Variants in METRN observed in about 807,000 individuals in gnomAD.
The protein encoded by METRN is meteorin, glial cell differentiation regulator, also known as meteorin.
Under a neutral mutation model 17.4 loss-of-function variants are expected in METRN, and 17 were observed. The observed-to-expected ratio is 0.98, with a 90% confidence interval of 0.67 to 1.46. The LOEUF (loss-of-function observed/expected upper bound fraction) is 1.46, where lower values mean the gene tolerates loss of function less well. METRN is among the 40% of genes most tolerant of loss of function. The probability of loss-of-function intolerance (pLI) is 0.00; values close to 1 mark genes in which losing one functional copy is unlikely to be tolerated. For missense variants in METRN, 489 were observed against 456.2 expected (o/e 1.07, Z -0.65); for synonymous variants, 230 against 210.8 (o/e 1.09, Z -0.79).
chr16:717,082 A>G lies in METRN; in HGVS notation c.577A>G (p.Ile193Val). 2 of 1,610,914 alleles carry G rather than the reference A, an allele frequency of 1.2e-6. No homozygotes were observed. The highest frequency in any genetic ancestry group is 1.7e-6 in the Non-Finnish European group (2 of 1,178,852). The part of the protein sequence containing the change: ...ACTSDFVIHG[I>V]IHGVTHDVEL... The stretch of plus-strand genomic sequence containing the variant: ...ATGCCTCCCCACAGTAATTCACGGG[A>G]TCATCCATGGGGTCACCCATGACGT... Residue 193 changes from isoleucine to valine, a missense_variant, in exon 4 of 4, where the codon ATC becomes GTC. By Grantham distance (29) the Ile-to-Val change is conservative (BLOSUM62 3). Transcript: ENST00000568223.
intron 1 of METRN, 60 bp from the exon 2 acceptor site, chr16:715,524 G>A: frequency 7.8e-7 from 1 of 1,284,118 alleles, no homozygotes; most frequent in Non-Finnish European, 9.8e-7. Flanking sequence ...GGAGGGAGCG[G>A]GGGCTGCGCC....
At position 719,158 on chromosome 16, in the gene METRN, A is replaced by AC. The variant is rs1393345219; in HGVS notation, c.*1773dup. ...GGGCCCTGGCCGAACCCTGGCTTCTACCTACCTGTCTCAGGAAGTGCCTGA... is the reference window on the plus strand; with the variant it reads ...GGGCCCTGGCCGAACCCTGGCTTCTACCCTACCTGTCTCAGGAAGTGCCTGA... On this transcript the variant is annotated 3_prime_UTR_variant, in exon 4 of 4. Coordinates refer to ENST00000568223, the MANE Select transcript of METRN (RefSeq NM_024042.4). 1 of 152,176 alleles carries AC rather than the reference A, an allele frequency of 6.6e-6. No individual in the cohort carries two copies. Among genetic ancestry groups the AC allele is most frequent in the African/African-American group, 2.4e-5 (1 of 41,394 alleles). 9.4% of individuals were successfully genotyped at this position (152,176 alleles called of 1,614,324 possible).
chr16:715,695 C>G lies in METRN; in HGVS notation c.216C>G (p.Pro72=), dbSNP rs749279373. ...CGCTGCGCCTGACCCTGGGCGGCCC[C>G]GATCCCAGAGCGCGGCCCGGCATCG... is the stretch of plus-strand genomic sequence containing the variant. ...AGALRLTLGG[P]DPRARPGIAC... The change falls in exon 2 of 4, where the codon CCC becomes CCG. Residue 72 remains proline (P), a synonymous_variant. Coordinates refer to ENST00000568223, the MANE Select transcript of METRN (RefSeq NM_024042.4). The G allele has an allele frequency of 2.9e-6, 4 of 1,399,542 alleles. No individual in the cohort carries two copies. Among genetic ancestry groups the G allele is most frequent in the Middle Eastern group, 2.5e-4 (1 of 3,974 alleles). 86.7% of individuals were successfully genotyped at this position (1,399,542 alleles called of 1,614,324 possible).
rs370614997 is a variant in METRN at position 715,689 on chromosome 16, C to A, written c.210C>A (p.Gly70=). 2.2e-3 allele frequency: 3,059 copies of A among 1,403,386 alleles called. 89 individuals are homozygous for A. In the South Asian group the frequency reaches 0.036, roughly 17 times the overall value. The allele number at this position is 1,403,386 out of a possible 1,614,324, so 86.9% of individuals were successfully genotyped here. The change falls in exon 2 of 4, where the codon GGC becomes GGA. Residue 70 remains glycine, a synonymous_variant. Coordinates refer to ENST00000568223, the MANE Select transcript of METRN (RefSeq NM_024042.4). ...YPAGALRLTL[G]GPDPRARPGI... ...CTGGGGCGCTGCGCCTGACCCTGGGCGGCCCCGATCCCAGAGCGCGGCCCG... is the reference window on the plus strand; with the variant it reads ...CTGGGGCGCTGCGCCTGACCCTGGGAGGCCCCGATCCCAGAGCGCGGCCCG...
Position 716,920 on chromosome 16 carries a change from C to T in METRN, c.506-13C>T. The T allele has an allele frequency of 6.5e-7, 1 of 1,541,220 alleles. No individual in the cohort carries two copies. On this transcript the variant is annotated splice_polypyrimidine_tract_variant and intron_variant, in intron 2 of 3. Transcript: ENST00000568223. The stretch of plus-strand genomic sequence containing the variant: ...GGGCAGGGCCTCTCCTCACCACCCC[C>T]TCTGCATGCCAGGTGCCTGCAGGCC...
intron 2 of METRN, chr16:716,637 G>C: frequency 6.5e-7 from 1 of 1,535,380 alleles, no homozygotes; most frequent in South Asian, 1.2e-5. Flanking sequence ...TCAGATGGGA[G>C]TGCAGGAGGG....
rs1191276217 is a variant in METRN at position 717,232 on chromosome 16, G to A, written c.727G>A (p.Gly243Ser). The stretch of plus-strand genomic sequence containing the variant: ...CTCCATTCGTACCCCACTGCGCTGT[G>A]GCGTCCACCCGGGCCCAGGCACCTT... Reference protein sequence around the residue: ...LTSIRTPLRCGVHPGPGTFLF... With the variant: ...LTSIRTPLRCSVHPGPGTFLF... Residue 243 changes from glycine to serine, a missense_variant, in exon 4 of 4, where the codon GGC becomes AGC. Coordinates refer to ENST00000568223, the MANE Select transcript of METRN (RefSeq NM_024042.4). 6.3e-7 allele frequency: 1 copy of A among 1,584,890 alleles called. No individual in the cohort carries two copies. The highest frequency in any genetic ancestry group is 1.1e-5 in the South Asian group (1 of 88,216).
chr16:715,589 T>C lies in METRN; in HGVS notation c.110T>C (p.Leu37Pro). 7.3e-7 allele frequency: 1 copy of C among 1,364,978 alleles called. No individual in the cohort carries two copies. Among genetic ancestry groups the C allele is most frequent in the Non-Finnish European group, 9.4e-7 (1 of 1,064,244 alleles). The allele number at this position is 1,364,978 out of a possible 1,614,324, so 84.6% of individuals were successfully genotyped here. The change falls in exon 2 of 4, where the codon CTC (leucine) becomes CCC (proline). Residue 37 changes from leucine to proline, a missense_variant. By Grantham distance (98) the Leu-to-Pro change is moderately conservative. Coordinates refer to ENST00000568223, the MANE Select transcript of METRN (RefSeq NM_024042.4). ...CCGTCCCGTCCTGTCCCCAGCGGCC[T>C]CACCCAGGAGCCCGGCAGCGTGGGG... ...EERCSWRGSG[L>P]TQEPGSVGQL...
intron 3 of METRN, 26 bp downstream of exon 3, chr16:717,018 C>T (rs2040166885): frequency 1.2e-6 from 2 of 1,610,982 alleles, no homozygotes; most frequent in East Asian, 4.5e-5. Flanking sequence ...ATGGGGGGAG[C>T]CTGGAGCCTG....
chr16:716,021 C>T (rs1462189193), intron 2 of METRN, 37 bp downstream of exon 2: 2 of 1,419,376 alleles, frequency 1.4e-6, no homozygotes, highest in South Asian at 2.9e-5. Context: ...GTGGGAGTCC[C>T]GAAGTCTTAC....
At position 717,504 on chromosome 16, in the gene METRN, T is replaced by C. The variant is rs2040172192; in HGVS notation, c.*117T>C. 9.7e-7 allele frequency: 1 copy of C among 1,033,982 alleles called. No individual in the cohort carries two copies. The highest frequency in any genetic ancestry group is 1.7e-5 in the African/African-American group (1 of 60,054). 64.1% of individuals were successfully genotyped at this position (1,033,982 alleles called of 1,614,324 possible). A position where few individuals can be genotyped will look rare whatever the true frequency, so the allele number is the denominator to read the frequency against. On this transcript the variant is annotated 3_prime_UTR_variant, in exon 4 of 4. Coordinates refer to ENST00000568223, the MANE Select transcript of METRN (RefSeq NM_024042.4). ...AAGCTGCTGTGGACCTGGTCTCCTG[T>C]GTCCAGCCCAGCCTTGGGCCTGCCT...
chr16:716,792 C>A, intron 2 of METRN, 141 bp from the exon 3 acceptor site: 1 of 1,518,352 alleles, frequency 6.6e-7, no homozygotes, highest in Non-Finnish European at 8.8e-7. Flanking sequence ...CTCTCTGGGA[C>A]CCCCAGGTGC....
Position 715,266 on chromosome 16 carries a change from T to TC in METRN, c.-20dup. 1 of 1,268,282 alleles carries TC rather than the reference T, an allele frequency of 7.9e-7. No individual in the cohort carries two copies. Among genetic ancestry groups the TC allele is most frequent in the South Asian group, 2.1e-5 (1 of 47,636 alleles). 78.6% of individuals were successfully genotyped at this position (1,268,282 alleles called of 1,614,324 possible). A position where few individuals can be genotyped will look rare whatever the true frequency, so the allele number is the denominator to read the frequency against. On this transcript the variant is annotated 5_prime_UTR_variant, in exon 1 of 4. Transcript: ENST00000568223. ...GGGCAGCGGTGGTGAGAGCCCCGAC[T>TC]CCCCGGACGCCGCCCGCCGTGCCAT...
intron 2 of METRN, chr16:716,704 C>T (rs1260194151): frequency 4.6e-6 from 7 of 1,535,450 alleles, no homozygotes; most frequent in Non-Finnish European, 6.1e-6. Flanking sequence ...TGTGTGCATT[C>T]CTGCCTTGGA....
At chr16:716,549 A>G (rs2151527385) in intron 2 of METRN, 1 of 1,531,644 alleles carries the variant, frequency 6.5e-7, no homozygotes, top group Non-Finnish European at 8.7e-7. Context: ...CCCACTTCCT[A>G]TCACCCTAGC....
chr16:715,997 C>A lies in METRN; in HGVS notation c.505+13C>A. 1 of 1,420,196 alleles carries A rather than the reference C, an allele frequency of 7.0e-7. No individual in the cohort carries two copies. Among genetic ancestry groups the A allele is most frequent in the South Asian group, 1.3e-5 (1 of 75,230 alleles). The allele number at this position is 1,420,196 out of a possible 1,614,324, so 88.0% of individuals were successfully genotyped here. A position where few individuals can be genotyped will look rare whatever the true frequency, so the allele number is the denominator to read the frequency against. On this transcript the variant is annotated intron_variant, in intron 2 of 3. Coordinates refer to ENST00000568223, the MANE Select transcript of METRN (RefSeq NM_024042.4). ...CTCGGCGTAGACGGTGAGTGGCGGT[C>A]TGGTTGGGACAGGGTGGGAGTCCCG...
At chr16:716,031 C>T (rs1225513328) in intron 2 of METRN, 47 bp downstream of exon 2, 1 of 1,397,364 alleles carries the variant, frequency 7.2e-7, no homozygotes, top group Non-Finnish European at 9.3e-7. Context: ...CGAAGTCTTA[C>T]CCTGCCTGGG....
chr16:717,138 G>A lies in METRN; in HGVS notation c.633G>A (p.Val211=). 6.2e-7 allele frequency: 1 copy of A among 1,602,094 alleles called. No homozygotes were observed. The highest frequency in any genetic ancestry group is 1.1e-5 in the South Asian group (1 of 89,770). The change falls in exon 4 of 4, where the codon GTG becomes GTA. Residue 211 remains valine (V), a synonymous_variant. Coordinates refer to ENST00000568223, the MANE Select transcript of METRN (RefSeq NM_024042.4). ...TGCAGGAGTCTGTCATCACTGTGGT[G>A]GCCGCCCGTGTCCTCCGCCAGACAC... ...VELQESVITV[V]AARVLRQTPP... is the part of the protein sequence containing the mutation.
In METRN at chr16:718,975, C is replaced by G. The variant is rs893180320; in HGVS notation, c.*1588C>G. 1.5e-4 allele frequency: 23 copies of G among 152,438 alleles called. No individual in the cohort carries two copies. Among genetic ancestry groups the G allele is most frequent in the African/African-American group, 5.5e-4 (23 of 41,450 alleles). The allele number at this position is 152,438 out of a possible 1,614,324, so 9.4% of individuals were successfully genotyped here. On this transcript the variant is annotated 3_prime_UTR_variant, in exon 4 of 4. Transcript: ENST00000568223. ...TAGAAAAGGAGGTAGCCCGTGTGCCCTCCTGCACCGCCTCCTCCACTCCTG... is the reference window on the plus strand; with the variant it reads ...TAGAAAAGGAGGTAGCCCGTGTGCCGTCCTGCACCGCCTCCTCCACTCCTG...
Sources: allele counts gnomAD v4.1 joint callset, GRCh38; gene constraint gnomAD v4.1.1; transcripts MANE v1.5; gene names NCBI Gene and HGNC (gene_info 2026-07-23, HGNC 2026-07-21).